The following BMP3 variants were observed in gnomAD, a reference collection of about 807,000 sequenced individuals.
BMP3 encodes bone morphogenetic protein 3.
In BMP3, 23 loss-of-function variants were observed where a neutral mutation model predicts 38.1. That is an observed-to-expected ratio of 0.60 (90% CI 0.43 to 0.86). The LOEUF is 0.86. Ranked by LOEUF, BMP3 falls within the 40% of genes least tolerant of loss-of-function variation. The pLI, the probability that BMP3 is intolerant of heterozygous loss-of-function variation, is 0.00. For missense variants in BMP3, 628 were observed against 579.6 expected (o/e 1.08, Z -0.86); for synonymous variants, 258 against 225.7 (o/e 1.14, Z -1.28).
Position 81,053,479 on chromosome 4 carries a change from G to A in BMP3, c.1362G>A (p.Lys454=). ...SLSILFFDEN[K]NVVLKVYPNM... is the part of the protein sequence containing the mutation. The stretch of plus-strand genomic sequence containing the variant: ...GTATTTTATTCTTTGATGAAAATAA[G>A]AATGTAGTGCTTAAAGTATACCCTA... Residue 454 remains lysine, a synonymous_variant, in exon 3 of 3, where the codon AAG becomes AAA. Transcript: ENST00000282701. 2 of 1,608,656 alleles carry A rather than the reference G, an allele frequency of 1.2e-6. No homozygotes were observed. The highest frequency in any genetic ancestry group is 8.5e-7 in the Non-Finnish European group (1 of 1,177,596).
chr4:81,049,155 C>T (rs1402915475), intron 2 of BMP3, among the ~76,000 whole-genome samples: 3 of 151,988 alleles, frequency 2.0e-5, no homozygotes, highest in Non-Finnish European at 2.9e-5. Context: ...TCAATAAATA[C>T]CTGTTATTGG....
intron 2 of BMP3, among the ~76,000 whole-genome samples, 178 bp downstream of exon 2, chr4:81,046,826 G>A (rs1003250292): frequency 1.3e-5 from 2 of 152,018 alleles, no homozygotes; most frequent in Admixed American, 6.6e-5. Flanking sequence ...GTTATTCTTG[G>A]TTTCTCTTTA....
chr4:81,052,009 T>G (rs77958746), intron 2 of BMP3, among the ~76,000 whole-genome samples: 1 of 151,980 alleles, frequency 6.6e-6, no homozygotes, highest in Admixed American at 6.6e-5. Context: ...TTTCTTTTTT[T>G]TTTTAAGAGT....
chr4:81,052,581 G>A (rs986303022), intron 2 of BMP3, among the ~76,000 whole-genome samples: 1 of 152,090 alleles, frequency 6.6e-6, no homozygotes, highest in Non-Finnish European at 1.5e-5. Context: ...ATTCCCAGAG[G>A]GAATTCCCAG....
intron 1 of BMP3, 27 bp from the exon 2 acceptor site, chr4:81,045,711 T>C: frequency 6.6e-7 from 1 of 1,520,972 alleles, no homozygotes; most frequent in Non-Finnish European, 8.9e-7. Context: ...TTTTCTCCTG[T>C]TTACTCTCTT....
At position 81,053,458 on chromosome 4, in the gene BMP3, T is replaced by C; in HGVS notation, c.1341T>C (p.Ile447=). Residue 447 remains isoleucine (I), a synonymous_variant, in exon 3 of 3, where the codon ATT becomes ATC. Coordinates refer to ENST00000282701, the MANE Select transcript of BMP3 (RefSeq NM_001201.5). ...CAGAAAAGATGTCCTCACTCAGTAT[T>C]TTATTCTTTGATGAAAATAAGAATG... The part of the protein sequence containing the change: ...CVPEKMSSLS[I]LFFDENKNVV... 2 of 1,610,608 alleles carry C rather than the reference T, an allele frequency of 1.2e-6. No individual in the cohort carries two copies. Among genetic ancestry groups the C allele is most frequent in the Non-Finnish European group, 1.7e-6 (2 of 1,178,450 alleles).
chr4:81,037,377 GT>G, intron 1 of BMP3: 1 of 263,268 alleles, frequency 3.8e-6, no homozygotes, highest in Non-Finnish European at 7.9e-6. Context: ...TTAGTGTTTT[GT>G]TTTTTCTATT....
At position 81,046,450 on chromosome 4, in the gene BMP3, T is replaced by A; in HGVS notation, c.1029T>A (p.His343Gln). ...AAAAGAAACAGAGAAAGGGGCCTCA[T>A]CGGAAGAGCCAGACGCTCCAATTTG... ...KNKKKQRKGP[H>Q]RKSQTLQFDE... Residue 343 changes from histidine (H) to glutamine (Q), a missense_variant, in exon 2 of 3, where the codon CAT becomes CAA. Coordinates refer to ENST00000282701, the MANE Select transcript of BMP3 (RefSeq NM_001201.5). 1 of 1,613,944 alleles carries A rather than the reference T, an allele frequency of 6.2e-7. No homozygotes were observed. Among genetic ancestry groups the A allele is most frequent in the Non-Finnish European group, 8.5e-7 (1 of 1,179,950 alleles).
chr4:81,046,732 G>T lies in BMP3; in HGVS notation c.1227+84G>T. The T allele has an allele frequency of 3.4e-6, 5 of 1,458,010 alleles. No homozygotes were observed. In the South Asian group the frequency reaches 4.2e-5, roughly 12 times the overall value. 90.3% of individuals were successfully genotyped at this position (1,458,010 alleles called of 1,614,324 possible). ...TGACTAAGTTAGTGTGCATATAGGG[G>T]GTTTGTGTAAGTGTTTGTGTTTCCA... On this transcript the variant is annotated intron_variant, in intron 2 of 2. Transcript: ENST00000282701.
chr4:81,053,616 T>TG lies in BMP3; in HGVS notation c.*80_*81insG, dbSNP rs1722966356. On this transcript the variant is annotated 3_prime_UTR_variant, in exon 3 of 3. Coordinates refer to ENST00000282701, the MANE Select transcript of BMP3 (RefSeq NM_001201.5). ...ACTTCTTCCTGTTTTTTTTTTTTTT[T>TG]TTTTTGCACTGCCAATGCATTTTGT... 1 of 749,424 alleles carries TG rather than the reference T, an allele frequency of 1.3e-6. No individual in the cohort carries two copies. Among genetic ancestry groups the TG allele is most frequent in the Non-Finnish European group, 1.9e-6 (1 of 520,456 alleles). The allele number at this position is 749,424 out of a possible 1,614,324, so 46.4% of individuals were successfully genotyped here. A position where few individuals can be genotyped will look rare whatever the true frequency, so the allele number is the denominator to read the frequency against.
At chr4:81,045,657 G>A in intron 1 of BMP3, 81 bp from the exon 2 acceptor site, 11 of 1,209,978 alleles carry the variant, frequency 9.1e-6, no homozygotes, top group Non-Finnish European at 1.3e-5. Flanking sequence ...ATAGGTTTCT[G>A]ATTCATTTTG....
intron 2 of BMP3, among the ~76,000 whole-genome samples, chr4:81,049,516 T>A (rs973450032): frequency 6.6e-6 from 1 of 152,184 alleles, no homozygotes; most frequent in African/African-American, 2.4e-5. Flanking sequence ...CTCTCTGAGC[T>A]TCAGATTTCC....
chr4:81,031,140 G>C lies in BMP3; in HGVS notation c.-145G>C. On this transcript the variant is annotated 5_prime_UTR_variant, in exon 1 of 3. Coordinates refer to ENST00000282701, the MANE Select transcript of BMP3 (RefSeq NM_001201.5). ...AGCAAGTGGGGCTGGCCGCTATCTC[G>C]CTGCACCCGGCCGCGTCCCGGGCTC... 4.6e-6 allele frequency: 4 copies of C among 861,348 alleles called. No individual in the cohort carries two copies. Among genetic ancestry groups the C allele is most frequent in the South Asian group, 1.8e-5 (1 of 55,396 alleles). 53.4% of individuals were successfully genotyped at this position (861,348 alleles called of 1,614,324 possible).
intron 2 of BMP3, among the ~76,000 whole-genome samples, chr4:81,051,994 C>CT (rs905357310): frequency 1.3e-5 from 2 of 150,886 alleles, no homozygotes; most frequent in African/African-American, 2.4e-5. Context: ...AAAAATAATC[C>CT]TTTTTTTCTT....
chr4:81,031,610 C>G lies in BMP3; in HGVS notation c.316+10C>G, dbSNP rs547689676. 156 of 1,570,872 alleles carry G rather than the reference C, an allele frequency of 9.9e-5. No individual in the cohort carries two copies. In the African/African-American group the frequency reaches 2.0e-3, roughly 20 times the overall value. On this transcript the variant is annotated intron_variant, in intron 1 of 2. Coordinates refer to ENST00000282701, the MANE Select transcript of BMP3 (RefSeq NM_001201.5). Reference sequence around the variant, plus strand: ...CGGGCGGCAGCAGCAGGTGAGTGCGCGAGGTGAGACTCCCTTCCCGCGGTC... The same window carrying G: ...CGGGCGGCAGCAGCAGGTGAGTGCGGGAGGTGAGACTCCCTTCCCGCGGTC...
chr4:81,031,202 C>T lies in BMP3; in HGVS notation c.-83C>T. The T allele has an allele frequency of 1.4e-6, 2 of 1,423,472 alleles. No homozygotes were observed. The highest frequency in any genetic ancestry group is 2.5e-5 in the East Asian group (1 of 39,842). 88.2% of individuals were successfully genotyped at this position (1,423,472 alleles called of 1,614,324 possible). A position where few individuals can be genotyped will look rare whatever the true frequency, so the allele number is the denominator to read the frequency against. On this transcript the variant is annotated 5_prime_UTR_variant, in exon 1 of 3. Coordinates refer to ENST00000282701, the MANE Select transcript of BMP3 (RefSeq NM_001201.5). ...GCCCCAGCTGGTTTGGAGTTCAACC[C>T]TCGGCTCCGCCGCCGGCTCCTTGCG...
Position 81,056,446 on chromosome 4 carries a change from C to T in BMP3, c.*2910C>T, listed in dbSNP as rs1196429382. ...CCACCTCCCAGGTTCAAGCAGTTCT[C>T]CTGCCTCAGCCTCCTGAGTAGCTGG... On this transcript the variant is annotated 3_prime_UTR_variant, in exon 3 of 3. Coordinates refer to ENST00000282701, the MANE Select transcript of BMP3 (RefSeq NM_001201.5). 3 of 152,318 alleles carry T rather than the reference C, an allele frequency of 2.0e-5. No homozygotes were observed. Among genetic ancestry groups the T allele is most frequent in the Non-Finnish European group, 2.9e-5 (2 of 68,048 alleles). The allele number at this position is 152,318 out of a possible 1,614,324, so 9.4% of individuals were successfully genotyped here. A position where few individuals can be genotyped will look rare whatever the true frequency, so the allele number is the denominator to read the frequency against.
At chr4:81,036,113 C>A (rs1739916724) in intron 1 of BMP3, among the ~76,000 whole-genome samples, 1 of 151,892 alleles carries the variant, frequency 6.6e-6, no homozygotes, top group Admixed American at 6.6e-5. Context: ...TTTCCTATAT[C>A]TTTATGAGTT....
At chr4:81,039,927 A>G (rs190324927) in intron 1 of BMP3, among the ~76,000 whole-genome samples, 98 of 152,306 alleles carry the variant, frequency 6.4e-4, no homozygotes, top group African/African-American at 2.3e-3. Flanking sequence ...ATGGGTTGTC[A>G]TGACAAGCTT....
Sources: allele counts gnomAD v4.1 joint callset (sites outside exome capture counted in the v4.1 genomes callset), GRCh38; gene constraint gnomAD v4.1.1; transcripts MANE v1.5; gene names NCBI Gene and HGNC (gene_info 2026-07-23, HGNC 2026-07-21).